The following CHODL variants were observed in gnomAD, a reference collection of about 807,000 sequenced individuals.
CHODL encodes the protein chondrolectin.
Under a neutral mutation model 34.5 loss-of-function variants are expected in CHODL, and 29 were observed. The observed-to-expected ratio is 0.84, with a 90% CI of 0.63 to 1.15. CHODL has a LOEUF of 1.15. Among genes scored for constraint, CHODL ranks in the 50% most tolerant of loss-of-function variants. The probability of loss-of-function intolerance (pLI) is 0.00; values close to 1 mark genes in which losing one functional copy is unlikely to be tolerated. For synonymous variants in CHODL, 125 were observed against 116.1 expected, an observed-to-expected ratio of 1.08 and a Z score of -0.49; for missense variants, 332 against 332.5, an observed-to-expected ratio of 1.00 and a Z score of 0.01.
At chr21:17,980,817 T>G (rs1244420752) in intron 1 of CHODL, among the ~76,000 whole-genome samples, 5 of 152,170 alleles carry the variant, frequency 3.3e-5, no homozygotes, top group African/African-American at 7.2e-5. Flanking sequence ...CACATGCCTG[T>G]GTTGGGATGA....
chr21:18,254,125 G>C (rs1315280843), intron 1 of CHODL, among the ~76,000 whole-genome samples: 1 of 145,206 alleles, frequency 6.9e-6, no homozygotes, highest in African/African-American at 2.7e-5. Flanking sequence ...AAAGTACAAA[G>C]TTTGAATGCT....
intron 2 of CHODL, among the ~76,000 whole-genome samples, chr21:18,091,429 C>T (rs2065072120): frequency 6.6e-6 from 1 of 152,152 alleles, no homozygotes; most frequent in Non-Finnish European, 1.5e-5. Context: ...CCAGGCAGTA[C>T]AGCTTATAGC....
intron 2 of CHODL, among the ~76,000 whole-genome samples, chr21:18,098,939 C>G (rs1281782923): frequency 1.3e-5 from 2 of 151,966 alleles, no homozygotes; most frequent in East Asian, 1.9e-4. Context: ...ATGGATGGAA[C>G]TGGAGGTCAT....
chr21:18,125,730 G>A (rs535057200), intron 2 of CHODL, among the ~76,000 whole-genome samples: 40 of 151,920 alleles, frequency 2.6e-4, no homozygotes, highest in Non-Finnish European at 5.0e-4. Flanking sequence ...CAAGTAGCTG[G>A]GATTACAGTC....
At chr21:18,134,331 G>T in intron 2 of CHODL, 1 of 517,700 alleles carries the variant, frequency 1.9e-6, no homozygotes, top group Non-Finnish European at 3.9e-6. Flanking sequence ...TTGATAAACA[G>T]TGGTGACTTC....
At chr21:18,220,156 T>C (rs1393453945) in intron 2 of CHODL, among the ~76,000 whole-genome samples, 1 of 152,176 alleles carries the variant, frequency 6.6e-6, no homozygotes, top group African/African-American at 2.4e-5. Context: ...CTTGCATGCT[T>C]TTGGTTTCCA....
intron 2 of CHODL, among the ~76,000 whole-genome samples, chr21:18,150,353 T>C (rs1325503672): frequency 1.3e-5 from 2 of 152,152 alleles, no homozygotes; most frequent in East Asian, 1.9e-4. Context: ...CACTCCCCAC[T>C]ATGGCCTGAA....
At chr21:18,055,241 C>T (rs139212775) in intron 2 of CHODL, among the ~76,000 whole-genome samples, 46 of 151,930 alleles carry the variant, frequency 3.0e-4, no homozygotes, top group Middle Eastern at 3.4e-3. Context: ...TAAATAGTAA[C>T]GAAGAATGAA....
chr21:17,943,082 C>A (rs896998621), intron 1 of CHODL, among the ~76,000 whole-genome samples: 3 of 152,174 alleles, frequency 2.0e-5, no homozygotes, highest in African/African-American at 7.2e-5. Flanking sequence ...TATTAAACCT[C>A]TTTTCTTTAT....
intron 2 of CHODL, among the ~76,000 whole-genome samples, chr21:18,030,858 G>A (rs955411084): frequency 6.6e-6 from 1 of 152,114 alleles, no homozygotes; most frequent in Non-Finnish European, 1.5e-5. Flanking sequence ...AAATAGTAGA[G>A]GTATGTGGAA....
intron 2 of CHODL, among the ~76,000 whole-genome samples, chr21:18,231,307 T>G (rs751941508): frequency 2.0e-5 from 3 of 152,098 alleles, no homozygotes; most frequent in African/African-American, 4.8e-5. Flanking sequence ...GCTCAGAGAG[T>G]GTCCTGCAGT....
chr21:17,926,646 G>A (rs1003932339), intron 1 of CHODL, among the ~76,000 whole-genome samples: 6 of 152,058 alleles, frequency 3.9e-5, no homozygotes, highest in African/African-American at 7.2e-5. Flanking sequence ...TCACTGTCAC[G>A]AGAACAACAT....
At chr21:17,940,829 G>A (rs925126402) in intron 1 of CHODL, among the ~76,000 whole-genome samples, 3 of 152,130 alleles carry the variant, frequency 2.0e-5, no homozygotes, top group African/African-American at 7.2e-5. Flanking sequence ...TCCCCTCTAT[G>A]AGCACACTGT....
At chr21:18,243,779 ACTTC>A (rs887778662), upstream of CHODL, among the ~76,000 whole-genome samples, 7 of 152,170 alleles carry the variant, frequency 4.6e-5, no homozygotes, top group African/African-American at 1.4e-4. Context: ...ATCAGTATTT[ACTTC>A]CTTTTTCCAA....
Position 18,073,099 on chromosome 21 carries a change from G to A in CHODL, c.-45+45128G>A, listed in dbSNP as rs1340757463. 2.6e-5 allele frequency among the ~76,000 whole-genome samples: 4 copies of A among 152,096 alleles called. 1 individual carries two copies. The South Asian group carries it at 8.3e-4, about 32-fold the overall frequency. ...TTACAAACCATCTCAGTGAATCCTT[G>A]TGACATTTATCTCATTTATAATGAC... On this transcript the variant is annotated intron_variant, in intron 2 of 6. Transcript: ENST00000400127.
intron 1 of CHODL, among the ~76,000 whole-genome samples, chr21:17,926,985 C>T (rs1475647419): frequency 6.6e-6 from 1 of 150,930 alleles, no homozygotes; most frequent in East Asian, 1.9e-4. Context: ...CAGACACACA[C>T]ACACACACGC....
chr21:17,943,289 C>G (rs1035207195), intron 1 of CHODL, among the ~76,000 whole-genome samples: 8 of 152,146 alleles, frequency 5.3e-5, no homozygotes, highest in Non-Finnish European at 1.2e-4. Flanking sequence ...AAATTCTGCT[C>G]TATGGATAGC....
intron 3 of CHODL, among the ~76,000 whole-genome samples, chr21:18,258,348 G>A (rs2824711): frequency 0.33 from 49,478 of 151,944 alleles, 10,013 homozygotes; most frequent in Middle Eastern, 0.45. Flanking sequence ...TTTTAAATTT[G>A]TGACATTCTA....
chr21:18,253,977 TCAAA>T (rs1211433053), intron 1 of CHODL, among the ~76,000 whole-genome samples: 2 of 152,152 alleles, frequency 1.3e-5, no homozygotes, highest in East Asian at 1.9e-4. Context: ...TGCCTATCAC[TCAAA>T]CACTGTTGAG....
Sources: gnomAD v4.1 joint callset for allele counts (sites outside exome capture counted in the v4.1 genomes callset) on GRCh38, gnomAD v4.1.1 for gene constraint, MANE v1.5 for transcripts, NCBI Gene and HGNC (gene_info 2026-07-23, HGNC 2026-07-21) for gene names.